Variants in SHISA9 observed in about 807,000 individuals in gnomAD.
SHISA9 encodes the protein shisa family member 9.
SHISA9 carries 13 observed loss-of-function variants against 38.0 expected under a neutral mutation model. The observed-to-expected ratio is 0.34, with a 90% CI of 0.22 to 0.54. The LOEUF is 0.54. SHISA9 is among the 20% of genes least tolerant of loss of function. SHISA9 has a pLI of 0.91. For missense variants in SHISA9, 538 were observed against 575.8 expected (o/e 0.93, Z 0.67); for synonymous variants, 275 against 242.0 (o/e 1.14, Z -1.27).
chr16:13,290,063 T>A, the SHISA9 span, among the ~76,000 whole-genome samples: 2 of 152,288 alleles, frequency 1.3e-5, no homozygotes, highest in East Asian at 3.9e-4. Flanking sequence ...AGATTCAGCA[T>A]TGAACATAGG....
the SHISA9 span, among the ~76,000 whole-genome samples, chr16:13,455,288 G>C: frequency 6.6e-6 from 1 of 152,084 alleles, no homozygotes; most frequent in Non-Finnish European, 1.5e-5. Context: ...ATTGTCCCAA[G>C]TCATTCTCTG....
the SHISA9 span, among the ~76,000 whole-genome samples, chr16:13,425,281 G>A: frequency 6.6e-6 from 1 of 152,256 alleles, no homozygotes; most frequent in Non-Finnish European, 1.5e-5. Context: ...ATGGCTTGAG[G>A]TCTGAGACCA....
rs573127743 is a variant in SHISA9 at position 13,220,081 on chromosome 16, G to A, written c.895+6781G>A. On this transcript the variant is annotated intron_variant, in intron 4 of 4. Transcript: ENST00000558583. ...TCAGCTACTGCCACAATAACACTGCGTAACAAATAACCTCAAATCTCATTG... is the reference window on the plus strand; with the variant it reads ...TCAGCTACTGCCACAATAACACTGCATAACAAATAACCTCAAATCTCATTG... 2.4e-4 allele frequency among the ~76,000 whole-genome samples: 37 copies of A among 152,310 alleles called. No homozygotes were observed. In the South Asian group the frequency reaches 3.3e-3, roughly 14 times the overall value.
At chr16:13,361,341 T>A in the SHISA9 span, among the ~76,000 whole-genome samples, 1 of 152,370 alleles carries the variant, frequency 6.6e-6, no homozygotes, top group East Asian at 1.9e-4. Flanking sequence ...TTTCAGTTGC[T>A]TAAGCCGGAA....
the SHISA9 span, among the ~76,000 whole-genome samples, chr16:13,556,668 A>T: frequency 6.6e-6 from 1 of 152,120 alleles, no homozygotes; most frequent in Admixed American, 6.5e-5. Flanking sequence ...GTCTCAAAAA[A>T]ATAAAAAATA....
chr16:13,362,259 CAA>C, the SHISA9 span, among the ~76,000 whole-genome samples: 1 of 138,644 alleles, frequency 7.2e-6, no homozygotes, highest in Non-Finnish European at 1.6e-5. Context: ...ACAGCAACAA[CAA>C]AAAAAACCCC....
At chr16:13,257,458 G>A in the SHISA9 span, among the ~76,000 whole-genome samples, 23 of 152,130 alleles carry the variant, frequency 1.5e-4, no homozygotes, top group Admixed American at 7.9e-4. Flanking sequence ...ACAATATCGG[G>A]TATACTGTCT....
chr16:13,228,919 G>A (rs903397919), intron 4 of SHISA9, among the ~76,000 whole-genome samples: 3 of 152,196 alleles, frequency 2.0e-5, no homozygotes, highest in Non-Finnish European at 2.9e-5. Flanking sequence ...CTAGCCCTTC[G>A]GGAGGCCAAG....
intron 2 of SHISA9, among the ~76,000 whole-genome samples, chr16:12,974,211 G>A (rs1351056004): frequency 6.6e-6 from 1 of 152,120 alleles, no homozygotes; most frequent in Non-Finnish European, 1.5e-5. Flanking sequence ...ATTATGGGGA[G>A]AAAGCGTATA....
At chr16:13,022,602 G>A (rs955451958) in intron 2 of SHISA9, among the ~76,000 whole-genome samples, 2 of 152,026 alleles carry the variant, frequency 1.3e-5, no homozygotes, top group African/African-American at 4.8e-5. Context: ...AGAGTGCTGG[G>A]ATTACAGTTG....
intron 2 of SHISA9, among the ~76,000 whole-genome samples, chr16:12,918,539 G>A (rs2071287543): frequency 6.6e-6 from 1 of 152,188 alleles, no homozygotes; most frequent in South Asian, 2.1e-4. Flanking sequence ...CTTAATGAAT[G>A]TTGCTTACAT....
rs989186102 is a variant in SHISA9 at position 13,004,751 on chromosome 16, C to A, written c.691+87936C>A. Among the ~76,000 whole-genome samples, 19 of 151,288 alleles carry A rather than the reference C, an allele frequency of 1.3e-4. 1 individual carries two copies. The highest frequency in any genetic ancestry group is 2.0e-4 in the Admixed American group (3 of 15,216). ...ACCAGCCTGGCCAACATGGTGAAAC[C>A]CCATCTCTACTAAAAATACAAAAAA... On this transcript the variant is annotated intron_variant, in intron 2 of 4. Transcript: ENST00000558583.
the SHISA9 span, among the ~76,000 whole-genome samples, chr16:13,293,216 G>T: frequency 6.6e-6 from 1 of 152,094 alleles, no homozygotes; most frequent in African/African-American, 2.4e-5. Context: ...CAATTTATTT[G>T]TTTATCTGAC....
the SHISA9 span, among the ~76,000 whole-genome samples, chr16:13,345,473 T>C: frequency 6.6e-6 from 1 of 152,236 alleles, no homozygotes; most frequent in Non-Finnish European, 1.5e-5. Context: ...TTCCATGGTG[T>C]ACATGTGCCA....
At chr16:12,992,533 A>G (rs1013976591) in intron 2 of SHISA9, among the ~76,000 whole-genome samples, 2 of 151,886 alleles carry the variant, frequency 1.3e-5, no homozygotes, top group Non-Finnish European at 2.9e-5. Flanking sequence ...CTCTGTCTCA[A>G]AACAAAAACA....
chr16:13,437,668 C>G, the SHISA9 span, among the ~76,000 whole-genome samples: 1 of 152,072 alleles, frequency 6.6e-6, no homozygotes, highest in Non-Finnish European at 1.5e-5. Context: ...GTGAACTCCC[C>G]CACTGAATTC....
At chr16:13,333,399 C>T in the SHISA9 span, among the ~76,000 whole-genome samples, 1 of 152,092 alleles carries the variant, frequency 6.6e-6, no homozygotes, top group East Asian at 1.9e-4. Flanking sequence ...GATTCAAGCT[C>T]GTCCTTGGGT....
chr16:13,384,170 T>A, the SHISA9 span, among the ~76,000 whole-genome samples: 1 of 152,186 alleles, frequency 6.6e-6, no homozygotes, highest in Non-Finnish European at 1.5e-5. Context: ...TCTTCTCTGT[T>A]CATAGGCAAA....
At chr16:13,490,285 G>A in the SHISA9 span, among the ~76,000 whole-genome samples, 1 of 152,170 alleles carries the variant, frequency 6.6e-6, no homozygotes, top group Admixed American at 6.5e-5. Context: ...AATGAGGGCC[G>A]GGCACAGTGA....
Sources: allele counts gnomAD v4.1 joint callset (sites outside exome capture counted in the v4.1 genomes callset), GRCh38; gene constraint gnomAD v4.1.1; transcripts MANE v1.5; gene names NCBI Gene and HGNC (gene_info 2026-07-23, HGNC 2026-07-21).